CUL5: variants seen among roughly 807,000 people sequenced by gnomAD.
CUL5 encodes the protein cullin 5.
CUL5 carries 26 observed loss-of-function variants against 108.8 expected under a neutral mutation model. The observed-to-expected ratio is 0.24, with a 90% CI of 0.18 to 0.33. The LOEUF is 0.33. CUL5 is among the 10% of genes least tolerant of loss of function. The pLI is 1.00. For missense variants in CUL5, 524 were observed against 909.2 expected (o/e 0.58, Z 5.45); for synonymous variants, 334 against 298.0 (o/e 1.12, Z -1.25).
chr11:108,086,865 G>T (rs939074171), intron 11 of CUL5, among the ~76,000 whole-genome samples: 1 of 152,160 alleles, frequency 6.6e-6, no homozygotes. Flanking sequence ...GATGTACATA[G>T]AATTCATTTT....
At chr11:108,057,685 C>A (rs1297660365) in intron 7 of CUL5, among the ~76,000 whole-genome samples, 1 of 152,146 alleles carries the variant, frequency 6.6e-6, no homozygotes, top group Admixed American at 6.5e-5. Flanking sequence ...GGAGAAATTA[C>A]AACTATATGC....
Position 108,009,020 on chromosome 11 carries a change from T to A in CUL5, c.-329T>A. 1 of 390,502 alleles carries A rather than the reference T, an allele frequency of 2.6e-6. No homozygotes were observed. Among genetic ancestry groups the A allele is most frequent in the Non-Finnish European group, 4.6e-6 (1 of 215,294 alleles). 24.2% of individuals were successfully genotyped at this position (390,502 alleles called of 1,614,324 possible). Reference sequence around the variant, plus strand: ...AACCACAAAGGCTAATCCGAAGGAGTCGGGGAGGCTCGTGGAGTCGATGCT... The same window carrying A: ...AACCACAAAGGCTAATCCGAAGGAGACGGGGAGGCTCGTGGAGTCGATGCT... On this transcript the variant is annotated 5_prime_UTR_variant, in exon 1 of 19. Transcript: ENST00000393094.
chr11:108,063,367 C>T (rs540772135), intron 7 of CUL5, among the ~76,000 whole-genome samples: 26 of 152,260 alleles, frequency 1.7e-4, no homozygotes, highest in Middle Eastern at 3.4e-3. Flanking sequence ...CATGTTGTTG[C>T]AAATGGCAGG....
intron 1 of CUL5, among the ~76,000 whole-genome samples, chr11:108,025,544 A>G (rs762587109): frequency 3.3e-5 from 5 of 152,144 alleles, no homozygotes; most frequent in Non-Finnish European, 7.4e-5. Flanking sequence ...CTATAGACTC[A>G]ATAACTTTCT....
In CUL5 at chr11:108,078,556, G is replaced by A. The variant is rs1863995190; in HGVS notation, c.1178+316G>A. 2.6e-5 allele frequency among the ~76,000 whole-genome samples: 4 copies of A among 151,916 alleles called. No homozygotes were observed. In the South Asian group the frequency reaches 8.3e-4, roughly 31 times the overall value. ...AGAAAATGACTCAATTTACCATAAT[G>A]TTATAAAAAGAACTCAGTTTAAATG... On this transcript the variant is annotated intron_variant, in intron 11 of 18. Coordinates refer to ENST00000393094, the MANE Select transcript of CUL5 (RefSeq NM_003478.6).
At chr11:108,076,183 C>A (rs1001711085) in intron 10 of CUL5, among the ~76,000 whole-genome samples, 1 of 152,024 alleles carries the variant, frequency 6.6e-6, no homozygotes, top group South Asian at 2.1e-4. Flanking sequence ...CAGGCATGCA[C>A]CACTATGTTT....
rs542762151 is a variant in CUL5, at chr11:108,100,270, C to T, written c.2148+1741C>T. On this transcript the variant is annotated intron_variant, in intron 18 of 18. Transcript: ENST00000393094. The stretch of plus-strand genomic sequence containing the variant: ...GAAGAAAATAACTTTAGGCTCGGCG[C>T]GGTGGCTCACACCTGTAATCCCAGC... Among the ~76,000 whole-genome samples the T allele has an allele frequency of 7.9e-5, 12 of 152,162 alleles. No individual in the cohort carries two copies. In the South Asian group the frequency reaches 1.9e-3, roughly 24 times the overall value.
intron 1 of CUL5, among the ~76,000 whole-genome samples, chr11:108,012,429 C>G (rs1165526139): frequency 2.6e-5 from 4 of 151,530 alleles, no homozygotes; most frequent in Non-Finnish European, 4.4e-5. Flanking sequence ...CTATGTTCTT[C>G]TCTGTTCCAT....
At chr11:108,013,756 A>T (rs1862113478) in intron 1 of CUL5, among the ~76,000 whole-genome samples, 1 of 152,144 alleles carries the variant, frequency 6.6e-6, no homozygotes, top group Admixed American at 6.5e-5. Flanking sequence ...GAAAATGGAA[A>T]TGTAAAGCAG....
chr11:108,016,253 G>GTCTTC (rs989172771), intron 1 of CUL5, among the ~76,000 whole-genome samples: 46 of 149,478 alleles, frequency 3.1e-4, no homozygotes, highest in African/African-American at 5.2e-4. Context: ...TTCTCTTCTC[G>GTCTTC]TCTTCTCTTC....
rs768301255 is a variant in CUL5 at position 108,054,772 on chromosome 11, G to A, written c.679G>A (p.Val227Ile). 2 of 1,609,148 alleles carry A rather than the reference G, an allele frequency of 1.2e-6. No individual in the cohort carries two copies. Among genetic ancestry groups the A allele is most frequent in the Admixed American group, 3.4e-5 (2 of 59,240 alleles). The change falls in exon 6 of 19, where the codon GTA (valine) becomes ATA (isoleucine). Residue 227 changes from valine (V) to isoleucine (I), a missense_variant. Coordinates refer to ENST00000393094, the MANE Select transcript of CUL5 (RefSeq NM_003478.6). ...QAPSYLQQNG[V>I]QNYMKYADAK... Reference sequence around the variant, plus strand: ...ACCCTCGTATTTACAACAAAATGGTGTACAGAATTATATGAAATATGTAAG... The same window carrying A: ...ACCCTCGTATTTACAACAAAATGGTATACAGAATTATATGAAATATGTAAG...
intron 1 of CUL5, among the ~76,000 whole-genome samples, 173 bp downstream of exon 1, chr11:108,009,545 G>A (rs1054634933): frequency 4.6e-5 from 7 of 152,100 alleles, no homozygotes; most frequent in African/African-American, 7.2e-5. Context: ...GTGGCCTTGG[G>A]GTCGACAGGC....
At chr11:108,078,384 C>A in intron 11 of CUL5, 144 bp downstream of exon 11, 1 of 427,440 alleles carries the variant, frequency 2.3e-6, no homozygotes. Context: ...TATTAAAGTT[C>A]ATTTATAATT....
At chr11:108,049,807 C>T in intron 3 of CUL5, 83 bp from the exon 4 acceptor site, 1 of 1,061,768 alleles carries the variant, frequency 9.4e-7, no homozygotes, top group Non-Finnish European at 1.4e-6. Context: ...AAATTATGTA[C>T]AATTTAAATT....
intron 2 of CUL5, among the ~76,000 whole-genome samples, chr11:108,041,290 T>TA (rs112495311): frequency 4.0e-5 from 6 of 151,796 alleles, no homozygotes; most frequent in African/African-American, 1.4e-4. Flanking sequence ...TTTTTCTTTT[T>TA]TTTTTTTTTG....
intron 1 of CUL5, among the ~76,000 whole-genome samples, chr11:108,020,332 C>T (rs1862297691): frequency 1.3e-5 from 2 of 152,058 alleles, no homozygotes; most frequent in South Asian, 2.1e-4. Context: ...TTAGCGTTCC[C>T]GAAGACTTTC....
intron 1 of CUL5, among the ~76,000 whole-genome samples, chr11:108,010,031 G>A (rs113606327): frequency 4.6e-5 from 7 of 152,220 alleles, no homozygotes; most frequent in African/African-American, 1.4e-4. Context: ...GCGCAGGAAA[G>A]TTACCTTGTC....
chr11:108,040,433 A>G (rs1250785617), intron 2 of CUL5, among the ~76,000 whole-genome samples: 3 of 152,058 alleles, frequency 2.0e-5, no homozygotes, highest in Non-Finnish European at 4.4e-5. Context: ...TCAACATGGT[A>G]AAACCCTGTC....
intron 13 of CUL5, among the ~76,000 whole-genome samples, chr11:108,091,695 T>TCACACACACACA (rs71303233): frequency 0.061 from 8,437 of 138,030 alleles, 313 homozygotes; most frequent in Admixed American, 0.071. Flanking sequence ...TCTCTCTCAC[T>TCACACACACACA]CACACACACA....
Sources: gnomAD v4.1 joint callset for allele counts (sites outside exome capture counted in the v4.1 genomes callset) on GRCh38, gnomAD v4.1.1 for gene constraint, MANE v1.5 for transcripts, NCBI Gene and HGNC (gene_info 2026-07-23, HGNC 2026-07-21) for gene names.